The following ZNF469 variants were observed in gnomAD, a reference collection of about 807,000 sequenced individuals.
ZNF469 encodes the protein zinc finger protein 469.
ZNF469 carries 1 observed loss-of-function variant against 1.0 expected under a neutral mutation model. That is an observed-to-expected ratio of 1.00 (90% confidence interval 0.35 to 4.73). The LOEUF (loss-of-function observed/expected upper bound fraction) is 4.73, where lower values mean the gene tolerates loss of function less well. Among genes scored for constraint, ZNF469 ranks in the 30% most tolerant of loss-of-function variants. ZNF469 has a pLI of 0.16. For synonymous variants in ZNF469, 2,703 were observed against 2,363.4 expected (o/e 1.14, Z -4.17); for missense variants, 6,100 against 5,356.3 (o/e 1.14, Z -4.33).
chr16:88,320,368 C>T, the ZNF469 span, among the ~76,000 whole-genome samples: 1 of 152,104 alleles, frequency 6.6e-6, no homozygotes, highest in African/African-American at 2.4e-5. Context: ...AAAGGCTGAC[C>T]ACGAGATTCT....
At chr16:88,113,000 G>A in the ZNF469 span, among the ~76,000 whole-genome samples, 8 of 151,870 alleles carry the variant, frequency 5.3e-5, no homozygotes, top group East Asian at 5.9e-4. Flanking sequence ...GGATGGTCTC[G>A]ATCTCCTGAC....
rs753399570 is a variant in ZNF469 at position 88,439,084 on chromosome 16, C to T, written c.11614C>T (p.Pro3872Ser). The T allele has an allele frequency of 3.2e-6, 5 of 1,550,918 alleles. No individual in the cohort carries two copies. Among genetic ancestry groups the T allele is most frequent in the Non-Finnish European group, 3.5e-6 (4 of 1,146,984 alleles). ...PKPNSQNKPR[P>S]PPSEQRKAEP... Reference sequence around the variant, plus strand: ...GCCCAACAGCCAGAACAAACCCAGGCCGCCACCATCAGAGCAGCGGAAGGC... The same window carrying T: ...GCCCAACAGCCAGAACAAACCCAGGTCGCCACCATCAGAGCAGCGGAAGGC... The change falls in exon 3 of 3, where the codon CCG becomes TCG. Residue 3872 changes from proline (P) to serine (S), a missense_variant. Transcript: ENST00000565624.
the ZNF469 span, among the ~76,000 whole-genome samples, chr16:88,244,012 G>A: frequency 6.3e-5 from 9 of 141,758 alleles, no homozygotes; most frequent in South Asian, 2.3e-4. Flanking sequence ...ATGGATGTAC[G>A]TATGGGTGAG....
the ZNF469 span, among the ~76,000 whole-genome samples, chr16:88,374,359 G>C: frequency 6.6e-6 from 1 of 152,222 alleles, no homozygotes; most frequent in Non-Finnish European, 1.5e-5. Context: ...ATTCCAGGAA[G>C]GAGAAACATC....
At chr16:88,409,135 G>A (rs375704760) in intron 1 of ZNF469, among the ~76,000 whole-genome samples, 125 of 152,326 alleles carry the variant, frequency 8.2e-4, no homozygotes, top group African/African-American at 3.0e-3. Context: ...CCCCGGGAGT[G>A]CGGCCTGGAG....
chr16:88,254,614 C>T, the ZNF469 span, among the ~76,000 whole-genome samples: 2 of 152,076 alleles, frequency 1.3e-5, no homozygotes, highest in Non-Finnish European at 2.9e-5. Flanking sequence ...AAAAATTAGC[C>T]GGGCGTGGTG....
rs1186906241 is a variant in ZNF469, at chr16:88,431,015, C to T, written c.3545C>T (p.Ala1182Val). Reference protein sequence around the residue: ...RGPSRSLETGAAAREGGPKCA... With the variant: ...RGPSRSLETGVAAREGGPKCA... The stretch of plus-strand genomic sequence containing the variant: ...CCGTCTCGAAGCCTGGAGACGGGAG[C>T]GGCCGCCAGGGAGGGAGGCCCCAAG... Residue 1182 changes from alanine to valine, a missense_variant, in exon 3 of 3, where the codon GCG becomes GTG. By Grantham distance (64) the Ala-to-Val change is moderately conservative (BLOSUM62 0). Transcript: ENST00000565624. The T allele has an allele frequency of 1.3e-6, 2 of 1,543,744 alleles. No individual in the cohort carries two copies. Among genetic ancestry groups the T allele is most frequent in the South Asian group, 1.2e-5 (1 of 83,998 alleles).
intron 1 of ZNF469, among the ~76,000 whole-genome samples, chr16:88,401,909 G>GGATGGATGGAT (rs1567501792): frequency 2.1e-5 from 2 of 96,318 alleles, no homozygotes; most frequent in Admixed American, 2.1e-4. Flanking sequence ...GATGGATGGA[G>GGATGGATGGAT]GGATGGATGG....
Position 88,390,225 on chromosome 16 carries a change from A to T in ZNF469, c.-192+6971A>T, listed in dbSNP as rs375956159. Among the ~76,000 whole-genome samples the T allele has an allele frequency of 7.9e-5, 12 of 152,312 alleles. No individual in the cohort carries two copies. In the East Asian group the frequency reaches 2.3e-3, roughly 29 times the overall value. On this transcript the variant is annotated intron_variant, in intron 1 of 2. Transcript: ENST00000565624. ...ACGGGGTTCAGCTCAGGCCTGTCTC[A>T]CAGTGGGCCCAGCGGGTCCTGGGAT...
intron 1 of ZNF469, among the ~76,000 whole-genome samples, chr16:88,423,082 GGAT>G (rs1285864575): frequency 1.4e-4 from 20 of 144,076 alleles, no homozygotes; most frequent in South Asian, 4.8e-4. Flanking sequence ...GTAGATAGAT[GGAT>G]GATGATGATG....
the ZNF469 span, among the ~76,000 whole-genome samples, chr16:88,259,256 G>GC: frequency 3.5e-4 from 26 of 75,006 alleles, no homozygotes; most frequent in South Asian, 2.1e-3. The surrounding 1 kb of genome is among the most constrained non-coding windows in gnomAD (Gnocchi z 4.1). Context: ...CCCACCCCCC[G>GC]CCCCCCCGAA....
chr16:88,295,985 T>C, the ZNF469 span, among the ~76,000 whole-genome samples: 2 of 152,272 alleles, frequency 1.3e-5, no homozygotes, highest in Admixed American at 6.5e-5. Context: ...TGTCGCGCCA[T>C]CCCTGGGGCA....
At position 88,437,332 on chromosome 16, in the gene ZNF469, C is replaced by G. The variant is rs1475693103; in HGVS notation, c.9862C>G (p.Pro3288Ala). The G allele has an allele frequency of 6.5e-7, 1 of 1,546,156 alleles. No individual in the cohort carries two copies. The highest frequency in any genetic ancestry group is 1.2e-5 in the South Asian group (1 of 83,846). Residue 3288 changes from proline to alanine, a missense_variant, in exon 3 of 3, where the codon CCA (proline) becomes GCA (alanine). Physicochemically the swap from Pro to Ala is conservative, Grantham distance 27 (BLOSUM62 -1). Transcript: ENST00000565624. ...TPSNPDGAAT[P>A]DSASATALAD... ...CAGCAACCCAGACGGGGCCGCGACCCCAGACAGCGCCTCTGCCACCGCCCT... is the reference window on the plus strand; with the variant it reads ...CAGCAACCCAGACGGGGCCGCGACCGCAGACAGCGCCTCTGCCACCGCCCT...
the ZNF469 span, among the ~76,000 whole-genome samples, chr16:88,149,315 G>A: frequency 5.9e-5 from 9 of 152,312 alleles, no homozygotes; most frequent in South Asian, 1.9e-3. Context: ...AATTCCCCTG[G>A]TGAGTGCTGG....
the ZNF469 span, among the ~76,000 whole-genome samples, chr16:88,359,243 C>G: frequency 7.1e-6 from 1 of 141,660 alleles, no homozygotes; most frequent in East Asian, 2.1e-4. Flanking sequence ...TGCTTCTGAG[C>G]GTCCCGGGGG....
chr16:88,402,600 C>T (rs1904913272), intron 1 of ZNF469, among the ~76,000 whole-genome samples: 1 of 152,170 alleles, frequency 6.6e-6, no homozygotes, highest in South Asian at 2.1e-4. Flanking sequence ...GGTTGCAGCT[C>T]AGACCCCTTT....
the ZNF469 span, among the ~76,000 whole-genome samples, chr16:88,240,587 G>A: frequency 6.6e-6 from 1 of 152,244 alleles, no homozygotes; most frequent in African/African-American, 2.4e-5. Context: ...ACCAGAGAGC[G>A]AGAGAAGCGT....
chr16:88,353,524 C>A, the ZNF469 span, among the ~76,000 whole-genome samples: 4 of 152,360 alleles, frequency 2.6e-5, no homozygotes, highest in Admixed American at 1.3e-4. Flanking sequence ...ACAACGCCCT[C>A]CGCCAGCCTC....
At chr16:88,265,306 G>T in the ZNF469 span, among the ~76,000 whole-genome samples, 1 of 152,328 alleles carries the variant, frequency 6.6e-6, no homozygotes, top group African/African-American at 2.4e-5. Context: ...GAGGCAGGAG[G>T]CCAGGGGCCT....
Sources: gnomAD v4.1 joint callset for allele counts (sites outside exome capture counted in the v4.1 genomes callset) on GRCh38, gnomAD v4.1.1 for gene constraint, Gnocchi (gnomAD v3.1) non-coding constraint, MANE v1.5 for transcripts, NCBI Gene and HGNC (gene_info 2026-07-23, HGNC 2026-07-21) for gene names.